CERS6: variants seen among roughly 807,000 people sequenced by gnomAD.
CERS6 encodes ceramide synthase 6, also known as LAG1 homolog, ceramide synthase 6.
A neutral mutation model predicts 56.8 loss-of-function variants in CERS6; 26 were observed. The observed-to-expected ratio is 0.46, with a 90% CI of 0.34 to 0.63. CERS6 has a LOEUF of 0.63. Ranked by LOEUF, CERS6 falls within the 30% of genes least tolerant of loss-of-function variation. The probability of loss-of-function intolerance (pLI) is 0.01; values close to 1 mark genes in which losing one functional copy is unlikely to be tolerated. For synonymous variants in CERS6, 164 were observed against 173.3 expected (o/e 0.95, Z 0.42); for missense variants, 415 against 467.5 (o/e 0.89, Z 1.04).
intron 8 of CERS6, among the ~76,000 whole-genome samples, chr2:168,742,587 G>A (rs13390071): frequency 0.079 from 12,057 of 152,266 alleles, 585 homozygotes; most frequent in Non-Finnish European, 0.1. Context: ...ATGCTTTAAA[G>A]TGGGAGGCAG....
intron 7 of CERS6, among the ~76,000 whole-genome samples, chr2:168,715,650 T>C (rs1053565674): frequency 4.6e-5 from 7 of 152,126 alleles, no homozygotes; most frequent in African/African-American, 1.7e-4. Context: ...TGTGGAAATA[T>C]TGGTTACATA....
At chr2:168,462,454 T>C (rs558208797) in intron 1 of CERS6, among the ~76,000 whole-genome samples, 3 of 152,362 alleles carry the variant, frequency 2.0e-5, no homozygotes, top group East Asian at 3.9e-4. Context: ...AATGATTTCA[T>C]AAGTTTTTTT....
intron 1 of CERS6, among the ~76,000 whole-genome samples, chr2:168,507,668 A>G (rs915269751): frequency 6.6e-6 from 1 of 152,166 alleles, no homozygotes. Flanking sequence ...GGTTTTGCCA[A>G]CATCTTGTTC....
At chr2:168,583,991 T>A (rs1471639852) in intron 3 of CERS6, among the ~76,000 whole-genome samples, 1 of 152,232 alleles carries the variant, frequency 6.6e-6, no homozygotes, top group Non-Finnish European at 1.5e-5. Context: ...GCTTCCTTAG[T>A]CATCTTATTT....
intron 1 of CERS6, among the ~76,000 whole-genome samples, chr2:168,491,261 A>G (rs1694367061): frequency 6.6e-6 from 1 of 152,196 alleles, no homozygotes; most frequent in Admixed American, 6.5e-5. Context: ...AAAATACTTA[A>G]AACTAAGGAG....
Position 168,631,017 on chromosome 2 carries a change from C to T in CERS6, c.440C>T (p.Thr147Ile). Residue 147 changes from threonine (T) to isoleucine (I), a missense_variant, in exon 4 of 10, where the codon ACC becomes ATC. Transcript: ENST00000305747. Reference protein sequence around the residue: ...WRFSFYLYVFTYGVRFLKKTP... With the variant: ...WRFSFYLYVFIYGVRFLKKTP... ...TTTTCATTTTACCTTTATGTATTTACCTACGGAGTCAGATTCCTGAAAAAG... is the reference window on the plus strand; with the variant it reads ...TTTTCATTTTACCTTTATGTATTTATCTACGGAGTCAGATTCCTGAAAAAG... 2 of 1,531,398 alleles carry T rather than the reference C, an allele frequency of 1.3e-6. No homozygotes were observed. The highest frequency in any genetic ancestry group is 1.2e-5 in the South Asian group (1 of 83,192). 94.9% of individuals were successfully genotyped at this position (1,531,398 alleles called of 1,614,324 possible). A position where few individuals can be genotyped will look rare whatever the true frequency, so the allele number is the denominator to read the frequency against.
In CERS6 at chr2:168,524,709, C is replaced by T. The variant is rs149256947; in HGVS notation, c.171-22887C>T. On this transcript the variant is annotated intron_variant, in intron 1 of 9. Coordinates refer to ENST00000305747, the MANE Select transcript of CERS6 (RefSeq NM_203463.3). ...TTGGTATTTGACTTCTAGAATGAGA[C>T]AGATGATCATTTTACTCTTCTTTTA... is the stretch of plus-strand genomic sequence containing the variant. Among the ~76,000 whole-genome samples the T allele has an allele frequency of 1.6e-3, 246 of 152,260 alleles. No homozygotes were observed. In the Middle Eastern group the frequency reaches 0.017, roughly 11 times the overall value.
At chr2:168,566,300 G>C (rs1446432689) in intron 3 of CERS6, among the ~76,000 whole-genome samples, 1 of 152,144 alleles carries the variant, frequency 6.6e-6, no homozygotes. Context: ...GGAGTTTGTT[G>C]AGTAAGATGA....
chr2:168,458,037 G>GA, intron 1 of CERS6, among the ~76,000 whole-genome samples: 1 of 152,234 alleles, frequency 6.6e-6, no homozygotes, highest in African/African-American at 2.4e-5. Context: ...GCAGTGCTGT[G>GA]AAAAAATGGG....
chr2:168,768,586 A>G (rs912039759), intron 9 of CERS6, among the ~76,000 whole-genome samples: 3 of 151,818 alleles, frequency 2.0e-5, no homozygotes, highest in Non-Finnish European at 4.4e-5. Context: ...AAATATTTCA[A>G]GCTTCACCCC....
At position 168,564,054 on chromosome 2, in the gene CERS6, T is replaced by C. The variant is rs191054985; in HGVS notation, c.407+2732T>C. Among the ~76,000 whole-genome samples the C allele has an allele frequency of 1.7e-4, 26 of 152,278 alleles. 1 individual carries two copies. In the East Asian group the frequency reaches 4.2e-3, roughly 25 times the overall value. ...TTTCCAAGGTCTTTTGTTTGCATCA[T>C]TTATTCTGTGTTTGCTGTGTGGTCT... is the stretch of plus-strand genomic sequence containing the variant. On this transcript the variant is annotated intron_variant, in intron 3 of 9. Transcript: ENST00000305747.
chr2:168,742,023 G>C (rs1022149180), intron 8 of CERS6, among the ~76,000 whole-genome samples: 1 of 152,208 alleles, frequency 6.6e-6, no homozygotes, highest in Admixed American at 6.5e-5. Context: ...GAGCTTTGAC[G>C]TGACTATTGT....
At chr2:168,545,959 A>G (rs911192360) in intron 1 of CERS6, among the ~76,000 whole-genome samples, 1 of 152,154 alleles carries the variant, frequency 6.6e-6, no homozygotes, top group African/African-American at 2.4e-5. Context: ...CCATTGGAAC[A>G]GTTGTGTCCT....
chr2:168,760,578 A>G (rs1025575980), intron 8 of CERS6, among the ~76,000 whole-genome samples: 10 of 152,104 alleles, frequency 6.6e-5, no homozygotes, highest in African/African-American at 1.4e-4. Context: ...CTCTGTCACC[A>G]TAGGTTCATG....
intron 8 of CERS6, among the ~76,000 whole-genome samples, chr2:168,744,274 G>A (rs774799389): frequency 2.6e-5 from 4 of 151,894 alleles, no homozygotes; most frequent in Non-Finnish European, 5.9e-5. Context: ...CAAAGTGCTG[G>A]GATTTACAGG....
chr2:168,591,649 A>T lies in CERS6; in HGVS notation c.407+30327A>T, dbSNP rs1040744458. The stretch of plus-strand genomic sequence containing the variant: ...TCACTGACATTTAAATTTTATTTTA[A>T]CTATTGGCTCTTGCAGTGCCCTAGC... On this transcript the variant is annotated intron_variant, in intron 3 of 9. Transcript: ENST00000305747. Among the ~76,000 whole-genome samples, 7 of 152,204 alleles carry T rather than the reference A, an allele frequency of 4.6e-5. No homozygotes were observed. In the South Asian group the frequency reaches 6.2e-4, roughly 13 times the overall value.
chr2:168,740,152 G>C (rs915702043), intron 8 of CERS6, among the ~76,000 whole-genome samples: 1 of 152,082 alleles, frequency 6.6e-6, no homozygotes, highest in African/African-American at 2.4e-5. Context: ...CATAATGAGA[G>C]AAAATTCCAT....
intron 6 of CERS6, among the ~76,000 whole-genome samples, chr2:168,709,057 A>G (rs1687026645): frequency 6.6e-6 from 1 of 152,102 alleles, no homozygotes; most frequent in Non-Finnish European, 1.5e-5. Context: ...GTTCCATTAT[A>G]TAGACGTTCA....
intron 4 of CERS6, among the ~76,000 whole-genome samples, chr2:168,645,269 C>T (rs938550168): frequency 6.8e-6 from 1 of 148,082 alleles, no homozygotes; most frequent in Non-Finnish European, 1.5e-5. Flanking sequence ...CCACCTTACC[C>T]AAGAAGAATG....
Sources: gnomAD v4.1 joint callset for allele counts (sites outside exome capture counted in the v4.1 genomes callset) on GRCh38, gnomAD v4.1.1 for gene constraint, MANE v1.5 for transcripts, NCBI Gene and HGNC (gene_info 2026-07-23, HGNC 2026-07-21) for gene names.